Variants in DNAH17 observed in about 807,000 individuals in gnomAD.
DNAH17 encodes dynein axonemal heavy chain 17.
A neutral mutation model predicts 485.6 loss-of-function variants in DNAH17; 376 were observed. That is an observed-to-expected ratio of 0.77 (90% CI 0.71 to 0.84). The LOEUF (loss-of-function observed/expected upper bound fraction) is 0.84, where lower values mean the gene tolerates loss of function less well. Ranked by LOEUF, DNAH17 falls within the 40% of genes least tolerant of loss-of-function variation. The pLI is 0.00. For synonymous variants in DNAH17, 3,031 were observed against 2,405.9 expected (o/e 1.26, Z -7.60); for missense variants, 6,370 against 5,839.3 (o/e 1.09, Z -2.96).
rs376891738 is a variant in DNAH17 at position 78,505,215 on chromosome 17, G to A, written c.4956+78C>T. On this transcript the variant is annotated intron_variant, in intron 31 of 80. Coordinates refer to ENST00000389840, the MANE Select transcript of DNAH17 (RefSeq NM_173628.4). ...ACAGGGTGCTGGTTCTCCGGACATC[G>A]CCATCTGAGGGCGTGTGGCCCACAC... The A allele has an allele frequency of 5.6e-5, 88 of 1,569,730 alleles. No homozygotes were observed. The East Asian group carries it at 7.8e-4, about 14-fold the overall frequency.
At chr17:78,573,610 AAAG>A (rs1431911971) in intron 2 of DNAH17, among the ~76,000 whole-genome samples, 1 of 139,386 alleles carries the variant, frequency 7.2e-6, no homozygotes, top group African/African-American at 2.6e-5. Flanking sequence ...AAAAAAAAAA[AAAG>A]AGGTGAGTAA....
rs2092159021 is a variant in DNAH17 at position 78,561,699 on chromosome 17, C to A, written c.1835+16G>T. 2 of 1,591,704 alleles carry A rather than the reference C, an allele frequency of 1.3e-6. No homozygotes were observed. The highest frequency in any genetic ancestry group is 1.3e-5 in the African/African-American group (1 of 74,652). On this transcript the variant is annotated intron_variant, in intron 12 of 80. Coordinates refer to ENST00000389840, the MANE Select transcript of DNAH17 (RefSeq NM_173628.4). ...TGGAGGCGGGGTGCCTGCCCCTGCC[C>A]AGGGCTGTGACTCACGGGTGTTCGA...
At chr17:78,453,607 C>T (rs2087651619) in intron 64 of DNAH17, 142 bp from the exon 65 acceptor site, 2 of 1,098,398 alleles carry the variant, frequency 1.8e-6, no homozygotes, top group Non-Finnish European at 2.5e-6. Context: ...TTGTTCCCAA[C>T]AGCTCGCCCT....
Position 78,532,532 on chromosome 17 carries a change from C to T in DNAH17, c.3064G>A (p.Asp1022Asn). The change falls in exon 20 of 81, where the codon GAT becomes AAT. Residue 1022 changes from aspartate to asparagine, a missense_variant. Physicochemically the swap from Asp to Asn is conservative, Grantham distance 23. Coordinates refer to ENST00000389840, the MANE Select transcript of DNAH17 (RefSeq NM_173628.4). ...VTAEDLDTWT[D>N]DTIPKTPPTL... is the part of the protein sequence containing the mutation. ...GGCGGTGTCTTGGGGATGGTGTCAT[C>T]TGTCCAGGTGTCCAAGTCCTCCGCA... The T allele has an allele frequency of 6.2e-7, 1 of 1,611,402 alleles. No individual in the cohort carries two copies. Among genetic ancestry groups the T allele is most frequent in the East Asian group, 2.2e-5 (1 of 44,832 alleles).
rs1311802100 is a variant in DNAH17 at position 78,428,726 on chromosome 17, T to C, written c.12406-19A>G. The C allele has an allele frequency of 1.2e-6, 2 of 1,612,698 alleles. No individual in the cohort carries two copies. Among genetic ancestry groups the C allele is most frequent in the Non-Finnish European group, 1.7e-6 (2 of 1,178,942 alleles). On this transcript the variant is annotated intron_variant, in intron 76 of 80. Coordinates refer to ENST00000389840, the MANE Select transcript of DNAH17 (RefSeq NM_173628.4). ...GGTAACCCTGAAAAAGAGGGCAGTT[T>C]GTAAGCAGAGGCAAAGCTGTGCAGG...
chr17:78,572,606 C>T (rs533373358), intron 3 of DNAH17, 95 bp downstream of exon 3: 34 of 1,115,454 alleles, frequency 3.0e-5, no homozygotes, highest in Admixed American at 6.4e-5. Flanking sequence ...AGGGAAACAA[C>T]GGGTCGGAGT....
Position 78,423,911 on chromosome 17 carries a change from C to G in DNAH17, c.13384G>C (p.Val4462Leu), listed in dbSNP as rs771217788. 16 of 1,613,976 alleles carry G rather than the reference C, an allele frequency of 9.9e-6. No individual in the cohort carries two copies. In the Admixed American group the frequency reaches 2.5e-4, roughly 25 times the overall value. Residue 4462 changes from valine to leucine, a missense_variant, in exon 81 of 81, where the codon GTT becomes CTT. Val to Leu is a conservative substitution (Grantham distance 32). Transcript: ENST00000389840. Reference protein sequence around the residue: ...ILAAVALLLQV With the variant: ...ILAAVALLLQL ...GGCTGTGAGGCAGGAGCGAGCTAAA[C>G]CTGTAGGAGCAGCGCCACGGCTGCC... is the stretch of plus-strand genomic sequence containing the variant.
intron 50 of DNAH17, 88 bp downstream of exon 50, chr17:78,479,397 T>C: frequency 7.1e-7 from 1 of 1,401,758 alleles, no homozygotes; most frequent in Non-Finnish European, 9.4e-7. Context: ...ATAAATAAAA[T>C]ATTTATCAAG....
chr17:78,544,131 T>C (rs2143485683), intron 16 of DNAH17, 134 bp from the exon 17 acceptor site: 2 of 1,271,344 alleles, frequency 1.6e-6, no homozygotes, highest in Non-Finnish European at 2.2e-6. Context: ...TTCTCCACGA[T>C]CCATGCCCAT....
At chr17:78,557,860 G>A (rs2092061352) in intron 14 of DNAH17, among the ~76,000 whole-genome samples, 1 of 151,992 alleles carries the variant, frequency 6.6e-6, no homozygotes, top group African/African-American at 2.4e-5. Flanking sequence ...AAATGCTGGT[G>A]TAAGATCTCC....
intron 51 of DNAH17, among the ~76,000 whole-genome samples, chr17:78,478,491 C>T (rs1469066140): frequency 4.8e-5 from 7 of 144,888 alleles, no homozygotes; most frequent in Non-Finnish European, 9.0e-5. Flanking sequence ...ATCACTATCA[C>T]CATCATTATC....
intron 16 of DNAH17, among the ~76,000 whole-genome samples, chr17:78,551,193 G>A (rs2091893256): frequency 6.6e-6 from 1 of 152,350 alleles, no homozygotes; most frequent in African/African-American, 2.4e-5. Flanking sequence ...AGGAGCTTGA[G>A]TTAGAACTGT....
intron 41 of DNAH17, 22 bp downstream of exon 41, chr17:78,494,014 G>A (rs1436374570): frequency 1.2e-6 from 2 of 1,607,476 alleles, no homozygotes; most frequent in South Asian, 1.1e-5. Context: ...TCCCTGCAAG[G>A]TCCCTGGAGC....
intron 52 of DNAH17, among the ~76,000 whole-genome samples, chr17:78,476,224 G>A (rs1255683270): frequency 7.8e-6 from 1 of 128,906 alleles, no homozygotes; most frequent in Non-Finnish European, 1.8e-5. Context: ...ACGTGCCGGA[G>A]TTATCGCGTG....
intron 54 of DNAH17, among the ~76,000 whole-genome samples, chr17:78,470,492 C>T (rs1337034791): frequency 1.3e-5 from 2 of 151,946 alleles, no homozygotes; most frequent in East Asian, 3.9e-4. Context: ...GAGTTGGAGA[C>T]CACCTGGCCA....
Position 78,459,020 on chromosome 17 carries a change from C to G in DNAH17, c.9842G>C (p.Arg3281Pro), listed in dbSNP as rs766914425. 1.9e-6 allele frequency: 3 copies of G among 1,613,992 alleles called. No individual in the cohort carries two copies. In the South Asian group the frequency reaches 3.3e-5, roughly 18 times the overall value. ...ACTTACGGCAATCTTGTTTTTGATC[C>G]GGGACAGCTTCTCTTGTGCCTCTGC... ...ELAEAQEKLS[R>P]IKNKIAELNA... The change falls in exon 61 of 81, where the codon CGG (arginine) becomes CCG (proline). Residue 3281 changes from arginine to proline, a missense_variant. Transcript: ENST00000389840.
chr17:78,497,999 G>A lies in DNAH17; in HGVS notation c.5745+1009C>T, dbSNP rs770177203. On this transcript the variant is annotated intron_variant, in intron 37 of 80. Coordinates refer to ENST00000389840, the MANE Select transcript of DNAH17 (RefSeq NM_173628.4). The stretch of plus-strand genomic sequence containing the variant: ...CTCTACTAAAAATACAAAATTAGCC[G>A]GGCGTGGTGGTGCACGCCTGCAATC... Among the ~76,000 whole-genome samples the A allele has an allele frequency of 3.9e-5, 6 of 152,070 alleles. No homozygotes were observed. In the East Asian group the frequency reaches 5.8e-4, roughly 15 times the overall value.
chr17:78,430,474 C>T (rs897366430), intron 75 of DNAH17, among the ~76,000 whole-genome samples: 5 of 152,162 alleles, frequency 3.3e-5, no homozygotes, highest in East Asian at 1.9e-4. Context: ...GTGCGCTGGC[C>T]GGAAGAGCTG....
At chr17:78,488,648 C>G (rs934930594) in intron 44 of DNAH17, among the ~76,000 whole-genome samples, 1 of 152,110 alleles carries the variant, frequency 6.6e-6, no homozygotes, top group Non-Finnish European at 1.5e-5. Context: ...GGTGGTGCTA[C>G]AAAAGAATGT....
Sources: allele counts gnomAD v4.1 joint callset (sites outside exome capture counted in the v4.1 genomes callset), GRCh38; gene constraint gnomAD v4.1.1; transcripts MANE v1.5; gene names NCBI Gene and HGNC (gene_info 2026-07-23, HGNC 2026-07-21).